The following RPS18 variants were observed in gnomAD, a reference collection of about 807,000 sequenced individuals.
RPS18 encodes small ribosomal subunit protein uS13.
For missense variants in RPS18, 49 were observed against 200.8 expected (o/e 0.24, Z 4.57); for synonymous variants, 64 against 70.9 (o/e 0.90, Z 0.49).
intron 2 of RPS18, among the ~76,000 whole-genome samples, chr6:33,274,715 C>T (rs458679): frequency 6.8e-6 from 1 of 146,810 alleles, no homozygotes; most frequent in Non-Finnish European, 1.5e-5. Flanking sequence ...CTCTTCGTGT[C>T]TCTCTCATGA....
Position 33,276,074 on chromosome 6 carries a change from C to G in RPS18, c.291+8C>G, listed in dbSNP as rs1765604543. 5.0e-6 allele frequency: 8 copies of G among 1,611,638 alleles called. No individual in the cohort carries two copies. The highest frequency in any genetic ancestry group is 6.8e-6 in the Non-Finnish European group (8 of 1,177,906). ...GATGGAAAATACAGCCAGGTGTGTACTGAAATGAGGGCAGGATTAGAGGAA... is the reference window on the plus strand; with the variant it reads ...GATGGAAAATACAGCCAGGTGTGTAGTGAAATGAGGGCAGGATTAGAGGAA... On this transcript the variant is annotated splice_region_variant and intron_variant, in intron 4 of 5. Transcript: ENST00000439602.
At position 33,272,417 on chromosome 6, in the gene RPS18, T is replaced by C. The variant is rs930713460; in HGVS notation, c.4-211T>C. On this transcript the variant is annotated intron_variant, in intron 1 of 5. Transcript: ENST00000439602. ...GAGACCTGCTTCCTCTCTCCAGAGG[T>C]TGCATTTTCCCAAGCTTGAACGCTT... 2.8e-5 allele frequency: 17 copies of C among 609,480 alleles called. 1 individual carries two copies. Among genetic ancestry groups the C allele is most frequent in the South Asian group, 5.8e-5 (3 of 51,538 alleles). 37.8% of individuals were successfully genotyped at this position (609,480 alleles called of 1,614,324 possible). A position where few individuals can be genotyped will look rare whatever the true frequency, so the allele number is the denominator to read the frequency against.
intron 2 of RPS18, among the ~76,000 whole-genome samples, chr6:33,273,990 C>T (rs2150878327): frequency 6.6e-6 from 1 of 152,344 alleles, no homozygotes; most frequent in South Asian, 2.1e-4. Flanking sequence ...CAGAGTCTCA[C>T]CCCGTCACCC....
intron 2 of RPS18, among the ~76,000 whole-genome samples, chr6:33,274,494 C>T (rs1765499242): frequency 6.6e-6 from 1 of 152,206 alleles, no homozygotes; most frequent in South Asian, 2.1e-4. Context: ...CCCTTGATCT[C>T]TTTCTTGCAG....
chr6:33,275,499 G>A (rs1404313250), intron 2 of RPS18: 2 of 365,242 alleles, frequency 5.5e-6, no homozygotes, highest in East Asian at 5.9e-5. Flanking sequence ...TGTATTTTTA[G>A]TAGAGACAGG....
chr6:33,276,302 A>G, intron 5 of RPS18, 35 bp downstream of exon 5: 1 of 1,605,950 alleles, frequency 6.2e-7, no homozygotes, highest in African/African-American at 1.3e-5. Flanking sequence ...GCCTACCTCG[A>G]CTCAGCATTC....
chr6:33,272,479 G>C (rs1678962721), intron 1 of RPS18, 149 bp from the exon 2 acceptor site: 2 of 704,610 alleles, frequency 2.8e-6, no homozygotes, highest in Non-Finnish European at 5.2e-6. Context: ...AGTTTGCTCT[G>C]TGGTGTGAAA....
At chr6:33,272,274 T>A (rs1765252671) in intron 1 of RPS18, 152 bp downstream of exon 1, 1 of 889,414 alleles carries the variant, frequency 1.1e-6, no homozygotes, top group Admixed American at 2.3e-5. Context: ...ACCAAAGATT[T>A]CCAATTCCGG....
intron 2 of RPS18, chr6:33,275,492 A>G: frequency 6.0e-6 from 2 of 334,554 alleles, no homozygotes; most frequent in Admixed American, 4.6e-5. Context: ...CTTTTCTTGT[A>G]TTTTTAGTAG....
intron 2 of RPS18, chr6:33,275,528 G>A (rs1765570350): frequency 2.1e-6 from 1 of 473,496 alleles, no homozygotes; most frequent in Admixed American, 3.7e-5. Context: ...ATGTTGGCCA[G>A]GCTGGTTTTG....
intron 2 of RPS18, among the ~76,000 whole-genome samples, chr6:33,273,505 C>T (rs754777301): frequency 3.9e-5 from 6 of 151,984 alleles, no homozygotes; most frequent in Non-Finnish European, 5.9e-5. Context: ...ACTTAGGCGA[C>T]GTTAGGGAAT....
chr6:33,276,136 CAG>C (rs1198729672), intron 4 of RPS18, 38 bp from the exon 5 acceptor site: 12 of 1,605,118 alleles, frequency 7.5e-6, no homozygotes, highest in Admixed American at 1.7e-5. Flanking sequence ...CATAGGAGGT[CAG>C]GGGATAAAAC....
rs1359742278 is a variant in RPS18, at chr6:33,276,229, G to A, written c.345G>A (p.Lys115=). 2 of 1,614,174 alleles carry A rather than the reference G, an allele frequency of 1.2e-6. No homozygotes were observed. The highest frequency in any genetic ancestry group is 2.2e-5 in the East Asian group (1 of 44,888). Residue 115 remains lysine, a synonymous_variant, in exon 5 of 6, where the codon AAG becomes AAA. Transcript: ENST00000439602. ...TCCGTGAAGACCTGGAGCGACTGAA[G>A]AAGATTCGGGCCCATAGAGGGCTGC... ...NKLREDLERL[K]KIRAHRGLRH... is the part of the protein sequence containing the mutation.
Position 33,276,217 on chromosome 6 carries a change from G to C in RPS18, c.333G>C (p.Leu111=), listed in dbSNP as rs878859815. ...NGLDNKLRED[L]ERLKKIRAHR... ...TGGACAACAAGCTCCGTGAAGACCT[G>C]GAGCGACTGAAGAAGATTCGGGCCC... is the stretch of plus-strand genomic sequence containing the variant. Residue 111 remains leucine (L), a synonymous_variant, in exon 5 of 6, where the codon CTG becomes CTC. Coordinates refer to ENST00000439602, the MANE Select transcript of RPS18 (RefSeq NM_022551.3). 5 of 1,614,176 alleles carry C rather than the reference G, an allele frequency of 3.1e-6. No homozygotes were observed. In the East Asian group the frequency reaches 8.9e-5, roughly 29 times the overall value.
rs1194018702 is a variant in RPS18, at chr6:33,276,191, C to T, written c.307C>T (p.Leu103=). 1.9e-6 allele frequency: 3 copies of T among 1,613,978 alleles called. No individual in the cohort carries two copies. The highest frequency in any genetic ancestry group is 2.5e-6 in the Non-Finnish European group (3 of 1,180,004). The change falls in exon 5 of 6, where the codon CTG becomes TTG. Residue 103 remains leucine, a synonymous_variant. Coordinates refer to ENST00000439602, the MANE Select transcript of RPS18 (RefSeq NM_022551.3). ...GKYSQVLANG[L]DNKLREDLER... ...CTGAATCCAGGTCCTAGCCAATGGT[C>T]TGGACAACAAGCTCCGTGAAGACCT...
At chr6:33,275,543 C>A in intron 2 of RPS18, 1 of 517,092 alleles carries the variant, frequency 1.9e-6, no homozygotes, top group Non-Finnish European at 3.5e-6. Flanking sequence ...GTTTTGAACT[C>A]CTGCCCTCAA....
intron 2 of RPS18, chr6:33,275,585 C>T (rs1392718296): frequency 3.4e-6 from 2 of 589,192 alleles, no homozygotes; most frequent in East Asian, 5.8e-5. Flanking sequence ...TCCCAAAGTG[C>T]TGGGATTACA....
chr6:33,276,301 G>T (rs139871722), intron 5 of RPS18, 34 bp downstream of exon 5: 4 of 1,605,356 alleles, frequency 2.5e-6, no homozygotes, highest in Non-Finnish European at 3.4e-6. Context: ...TGCCTACCTC[G>T]ACTCAGCATT....
rs1305627430 is a variant in RPS18, at chr6:33,276,385, C to T, written c.384-6C>T. 6.2e-7 allele frequency: 1 copy of T among 1,613,848 alleles called. No individual in the cohort carries two copies. The highest frequency in any genetic ancestry group is 8.5e-7 in the Non-Finnish European group (1 of 1,179,890). On this transcript the variant is annotated splice_polypyrimidine_tract_variant and splice_region_variant and intron_variant, in intron 5 of 5. Coordinates refer to ENST00000439602, the MANE Select transcript of RPS18 (RefSeq NM_022551.3). ...TGACCTGTGACTCTTCTCTTTTTAC[C>T]TGCAGCCTTCGTGTCCGAGGCCAGC...
Sources: gnomAD v4.1 joint callset for allele counts (sites outside exome capture counted in the v4.1 genomes callset) on GRCh38, gnomAD v4.1.1 for gene constraint, MANE v1.5 for transcripts, NCBI Gene and HGNC (gene_info 2026-07-23, HGNC 2026-07-21) for gene names.